Variants in C19orf38 observed in about 807,000 individuals in gnomAD.
C19orf38 encodes protein HIDE1.
Under a neutral mutation model 26.6 loss-of-function variants are expected in C19orf38, and 14 were observed. That is an observed-to-expected ratio of 0.53 (90% CI 0.35 to 0.82). The LOEUF (loss-of-function observed/expected upper bound fraction) is 0.82. Among genes scored for constraint, C19orf38 ranks in the 40% least tolerant of loss-of-function variants. C19orf38 has a pLI of 0.01. For missense variants in C19orf38, 261 were observed against 299.5 expected (o/e 0.87, Z 0.95); for synonymous variants, 132 against 128.5 (o/e 1.03, Z -0.18).
chr19:10,846,204 GT>G (rs961214146), upstream of C19orf38, among the ~76,000 whole-genome samples: 40 of 146,218 alleles, frequency 2.7e-4, 1 homozygote, highest in African/African-American at 7.5e-4. Context: ...TTTTTTTGTT[GT>G]TTTTTTTTTG....
chr19:10,856,644 C>A (rs2073628917), intron 3 of C19orf38, among the ~76,000 whole-genome samples: 1 of 151,974 alleles, frequency 6.6e-6, no homozygotes, highest in Non-Finnish European at 1.5e-5. Context: ...GCTGGGATTA[C>A]AGGCGTGCAC....
At chr19:10,837,503 C>CTTTTTTTT (rs958209460) in intron 1 of C19orf38, among the ~76,000 whole-genome samples, 6 of 93,616 alleles carry the variant, frequency 6.4e-5, no homozygotes, top group East Asian at 3.2e-4. Flanking sequence ...TTTTTTTTTC[C>CTTTTTTTT]TTTTTTTTTT....
upstream of C19orf38, among the ~76,000 whole-genome samples, chr19:10,846,219 CAG>C (rs1460489517): frequency 6.6e-6 from 1 of 150,932 alleles, no homozygotes; most frequent in African/African-American, 2.4e-5. Flanking sequence ...TTTTTTGAGA[CAG>C]AGTCTCGCTC....
At chr19:10,842,268 T>C in intron 1 of C19orf38, 2 of 1,109,366 alleles carry the variant, frequency 1.8e-6, no homozygotes, top group Non-Finnish European at 2.7e-6. Context: ...AAAATACTTT[T>C]TTTTTTTTTT....
At chr19:10,851,974 CAAAAAAAAAAA>C (rs903489432) in intron 2 of C19orf38, among the ~76,000 whole-genome samples, 1 of 48,544 alleles carries the variant, frequency 2.1e-5, no homozygotes, top group African/African-American at 7.4e-5. Flanking sequence ...GACTCCGTCT[CAAAAAAAAAAA>C]AAAAAAAAAT....
At position 10,869,485 on chromosome 19, in the gene C19orf38, G is replaced by C; in HGVS notation, c.*118G>C. On this transcript the variant is annotated 3_prime_UTR_variant, in exon 7 of 7. Coordinates refer to ENST00000397820, the MANE Select transcript of C19orf38 (RefSeq NM_001136482.3). ...CAGGGAATTGGACAGAGGAAAGGAA[G>C]GGGAACCCTGGCCTTGGGATTTTCA... 1 of 1,338,674 alleles carries C rather than the reference G, an allele frequency of 7.5e-7. No homozygotes were observed. The highest frequency in any genetic ancestry group is 9.9e-7 in the Non-Finnish European group (1 of 1,010,464). 82.9% of individuals were successfully genotyped at this position (1,338,674 alleles called of 1,614,324 possible).
intron 4 of C19orf38, among the ~76,000 whole-genome samples, chr19:10,859,292 ATATGTGTGTGTGTGTATG>A (rs1568337442): frequency 1.7e-4 from 19 of 112,902 alleles, no homozygotes; most frequent in African/African-American, 5.8e-4. Flanking sequence ...GTGTGTGTGT[ATATGTGTGTGTGTGTATG>A]TATGTGTGTG....
intron 1 of C19orf38, among the ~76,000 whole-genome samples, chr19:10,848,841 G>T (rs1206383021): frequency 6.6e-6 from 1 of 151,998 alleles, no homozygotes; most frequent in Non-Finnish European, 1.5e-5. Context: ...CTCCTTGAGT[G>T]CTGGGGCAGC....
intron 1 of C19orf38, among the ~76,000 whole-genome samples, chr19:10,842,432 T>C (rs1467899675): frequency 6.6e-6 from 1 of 152,058 alleles, no homozygotes; most frequent in African/African-American, 2.4e-5. Flanking sequence ...GGCTAATTTT[T>C]TGTATTTTTA....
At chr19:10,856,437 C>G (rs1329240269) in intron 3 of C19orf38, 80 bp downstream of exon 3, 2 of 1,136,132 alleles carry the variant, frequency 1.8e-6, no homozygotes, top group Non-Finnish European at 1.3e-6. Flanking sequence ...ACTCACAACT[C>G]ACACCATTTT....
intron 1 of C19orf38, chr19:10,842,223 C>A: frequency 8.0e-7 from 1 of 1,252,460 alleles, no homozygotes; most frequent in Non-Finnish European, 1.2e-6. Context: ...GTGATGACTA[C>A]CACAGAACCA....
chr19:10,856,517 C>A (rs1706686553), intron 3 of C19orf38, among the ~76,000 whole-genome samples, 160 bp downstream of exon 3: 1 of 151,908 alleles, frequency 6.6e-6, no homozygotes, highest in African/African-American at 2.4e-5. Context: ...TATTATTTTT[C>A]TTTTCAGACA....
intron 6 of C19orf38, among the ~76,000 whole-genome samples, chr19:10,864,805 A>G (rs1377646939): frequency 6.6e-6 from 1 of 152,068 alleles, no homozygotes; most frequent in East Asian, 1.9e-4. Flanking sequence ...GGGCCAAGGG[A>G]GAAGAGGGAG....
At chr19:10,848,972 A>G (rs1157054454) in intron 1 of C19orf38, among the ~76,000 whole-genome samples, 1 of 152,018 alleles carries the variant, frequency 6.6e-6, no homozygotes, top group Non-Finnish European at 1.5e-5. Flanking sequence ...CCTGTGGGCA[A>G]TCAGGAGAGA....
chr19:10,846,187 A>G (rs144355809), upstream of C19orf38, among the ~76,000 whole-genome samples: 1 of 151,886 alleles, frequency 6.6e-6, no homozygotes, highest in African/African-American at 2.4e-5. Context: ...GTCTCAAAAA[A>G]AAAATGTTTT....
At position 10,863,149 on chromosome 19, in the gene C19orf38, TTCTTTC is replaced by T. The variant is rs1166327117; in HGVS notation, c.506-13_506-8del. ...TACAACTGGCCCCCAATCCTGGGTT[TTCTTTC>T]TCTTTCTGTTTCAGACATGTCCTTC... On this transcript the variant is annotated splice_polypyrimidine_tract_variant and intron_variant, in intron 5 of 6. Transcript: ENST00000397820. The T allele has an allele frequency of 2.6e-6, 4 of 1,550,518 alleles. No homozygotes were observed. In the South Asian group the frequency reaches 3.6e-5, roughly 14 times the overall value.
At chr19:10,846,192 TG>T (rs1462623771), upstream of C19orf38, among the ~76,000 whole-genome samples, 2 of 150,498 alleles carry the variant, frequency 1.3e-5, no homozygotes, top group Admixed American at 6.7e-5. Flanking sequence ...AAAAAAAAAA[TG>T]TTTTTTTGTT....
intron 1 of C19orf38, chr19:10,841,734 C>T (rs1016481333): frequency 1.5e-5 from 10 of 654,364 alleles, no homozygotes; most frequent in African/African-American, 5.5e-5. Flanking sequence ...GCATTTTGGG[C>T]GGCCAAGTTG....
upstream of C19orf38, among the ~76,000 whole-genome samples, chr19:10,846,174 C>T (rs2073515052): frequency 6.6e-6 from 1 of 151,460 alleles, no homozygotes; most frequent in Non-Finnish European, 1.5e-5. Context: ...AGAGCAAGAC[C>T]CTGTCTCAAA....
Sources: gnomAD v4.1 joint callset for allele counts (sites outside exome capture counted in the v4.1 genomes callset) on GRCh38, gnomAD v4.1.1 for gene constraint, MANE v1.5 for transcripts, NCBI Gene and HGNC (gene_info 2026-07-23, HGNC 2026-07-21) for gene names.